KCNA2: variants seen among roughly 807,000 people sequenced by gnomAD.
The protein encoded by KCNA2 is potassium voltage-gated channel subfamily A member 2.
Under a neutral mutation model 33.4 loss-of-function variants are expected in KCNA2, and 11 were observed. That is an observed-to-expected ratio of 0.33 (90% CI 0.21 to 0.55). KCNA2 has a LOEUF of 0.55. Among genes scored for constraint, KCNA2 ranks in the 20% least tolerant of loss-of-function variants. The pLI, the probability that KCNA2 is intolerant of heterozygous loss-of-function variation, is 0.93. For synonymous variants in KCNA2, 222 were observed against 231.3 expected (o/e 0.96, Z 0.37); for missense variants, 291 against 621.6 (o/e 0.47, Z 5.66).
Position 110,594,757 on chromosome 1 carries a change from C to G in KCNA2, c.*8526G>C. The G allele has an allele frequency of 1.0e-6, 1 of 985,462 alleles. No homozygotes were observed. Among genetic ancestry groups the G allele is most frequent in the Non-Finnish European group, 1.2e-6 (1 of 829,980 alleles). 61.0% of individuals were successfully genotyped at this position (985,462 alleles called of 1,614,324 possible). A position where few individuals can be genotyped will look rare whatever the true frequency, so the allele number is the denominator to read the frequency against. On this transcript the variant is annotated 3_prime_UTR_variant, in exon 3 of 3. Transcript: ENST00000316361. ...GTTCAAACCCTCAGGAGCTGAGACTCACCCCCGCCAAAGCCAGCCAGGCCT... is the reference window on the plus strand; with the variant it reads ...GTTCAAACCCTCAGGAGCTGAGACTGACCCCCGCCAAAGCCAGCCAGGCCT...
chr1:110,624,731 G>A (rs1650348952), intron 1 of KCNA2, among the ~76,000 whole-genome samples: 1 of 152,114 alleles, frequency 6.6e-6, no homozygotes, highest in Non-Finnish European at 1.5e-5. Context: ...GTTGCGAGTG[G>A]ATTTTTTTCT....
At position 110,602,277 on chromosome 1, in the gene KCNA2, G is replaced by GC. The variant is rs1320637193; in HGVS notation, c.*1005_*1006insG. ...ATGGAGGGATTTTTGCCTTCTGATGGGAAAAAAACCCCTAGTTCAAGACCA... is the reference window on the plus strand; with the variant it reads ...ATGGAGGGATTTTTGCCTTCTGATGGCGAAAAAAACCCCTAGTTCAAGACCA... On this transcript the variant is annotated 3_prime_UTR_variant, in exon 3 of 3. Transcript: ENST00000316361. The GC allele has an allele frequency of 6.7e-7, 1 of 1,496,240 alleles. No individual in the cohort carries two copies. The allele number at this position is 1,496,240 out of a possible 1,614,324, so 92.7% of individuals were successfully genotyped here. A position where few individuals can be genotyped will look rare whatever the true frequency, so the allele number is the denominator to read the frequency against.
intron 1 of KCNA2, among the ~76,000 whole-genome samples, chr1:110,619,314 G>A (rs1650171025): frequency 6.6e-6 from 1 of 152,124 alleles, no homozygotes; most frequent in South Asian, 2.1e-4. Flanking sequence ...CTAGGAAAAC[G>A]AATGAATGCA....
rs1553181014 is a variant in KCNA2, at chr1:110,601,828, GTA to G, written c.*1453_*1454del. 9 of 1,244,416 alleles carry G rather than the reference GTA, an allele frequency of 7.2e-6. No homozygotes were observed. In the South Asian group the frequency reaches 9.8e-5, roughly 14 times the overall value. The allele number at this position is 1,244,416 out of a possible 1,614,324, so 77.1% of individuals were successfully genotyped here. A position where few individuals can be genotyped will look rare whatever the true frequency, so the allele number is the denominator to read the frequency against. On this transcript the variant is annotated 3_prime_UTR_variant, in exon 3 of 3. Transcript: ENST00000316361. ...TGTGTGTGTGTGTGTGTGTGTGTGT[GTA>G]TACATATACACACATATGTATGTAT...
In KCNA2 at chr1:110,598,112, A is replaced by C; in HGVS notation, c.*5171T>G. The stretch of plus-strand genomic sequence containing the variant: ...TGATGATGTTAATGAGGTTAAGGTC[A>C]TGAGTTCAAACCCGGCAATGGATAC... On this transcript the variant is annotated 3_prime_UTR_variant, in exon 3 of 3. Coordinates refer to ENST00000316361, the MANE Select transcript of KCNA2 (RefSeq NM_004974.4). 1 of 974,050 alleles carries C rather than the reference A, an allele frequency of 1.0e-6. No individual in the cohort carries two copies. The highest frequency in any genetic ancestry group is 1.2e-6 in the Non-Finnish European group (1 of 819,592). 60.3% of individuals were successfully genotyped at this position (974,050 alleles called of 1,614,324 possible).
chr1:110,598,118 T>C lies in KCNA2; in HGVS notation c.*5165A>G, dbSNP rs1460120825. ...TGTTAATGAGGTTAAGGTCATGAGT[T>C]CAAACCCGGCAATGGATACCTTGCC... On this transcript the variant is annotated 3_prime_UTR_variant, in exon 3 of 3. Transcript: ENST00000316361. 2 of 962,194 alleles carry C rather than the reference T, an allele frequency of 2.1e-6. No homozygotes were observed. Among genetic ancestry groups the C allele is most frequent in the Non-Finnish European group, 2.5e-6 (2 of 808,900 alleles). 59.6% of individuals were successfully genotyped at this position (962,194 alleles called of 1,614,324 possible).
At chr1:110,615,966 G>A (rs746076304) in intron 1 of KCNA2, among the ~76,000 whole-genome samples, 8 of 152,196 alleles carry the variant, frequency 5.3e-5, no homozygotes, top group East Asian at 1.9e-4. Flanking sequence ...GTGCAGGGAC[G>A]TGCCTAAGGA....
At chr1:110,616,435 C>G (rs1650069147) in intron 1 of KCNA2, among the ~76,000 whole-genome samples, 1 of 152,240 alleles carries the variant, frequency 6.6e-6, no homozygotes, top group Non-Finnish European at 1.5e-5. Context: ...CTTCCCTTCT[C>G]TTCCAGCTGC....
chr1:110,602,320 C>T lies in KCNA2; in HGVS notation c.*963G>A. On this transcript the variant is annotated 3_prime_UTR_variant, in exon 3 of 3. Transcript: ENST00000316361. Reference sequence around the variant, plus strand: ...CAAGACCATTCCAAGCCTATTAATACTCTAAATATTAACACTGTGTAGGCT... The same window carrying T: ...CAAGACCATTCCAAGCCTATTAATATTCTAAATATTAACACTGTGTAGGCT... The T allele has an allele frequency of 6.9e-7, 1 of 1,444,228 alleles. No homozygotes were observed. The highest frequency in any genetic ancestry group is 9.0e-7 in the Non-Finnish European group (1 of 1,105,014). 89.5% of individuals were successfully genotyped at this position (1,444,228 alleles called of 1,614,324 possible). A position where few individuals can be genotyped will look rare whatever the true frequency, so the allele number is the denominator to read the frequency against.
rs1460607764 is a variant in KCNA2 at position 110,601,480 on chromosome 1, C to T, written c.*1803G>A. 14 of 985,714 alleles carry T rather than the reference C, an allele frequency of 1.4e-5. No individual in the cohort carries two copies. The highest frequency in any genetic ancestry group is 1.7e-5 in the African/African-American group (1 of 57,336). 61.1% of individuals were successfully genotyped at this position (985,714 alleles called of 1,614,324 possible). A position where few individuals can be genotyped will look rare whatever the true frequency, so the allele number is the denominator to read the frequency against. Reference sequence around the variant, plus strand: ...AAATGGAGATGATGAACAGGATGAACTGTAGAGAGGAGGCCCGGGGTGGGT... The same window carrying T: ...AAATGGAGATGATGAACAGGATGAATTGTAGAGAGGAGGCCCGGGGTGGGT... On this transcript the variant is annotated 3_prime_UTR_variant, in exon 3 of 3. Transcript: ENST00000316361.
Position 110,603,596 on chromosome 1 carries a change from A to G in KCNA2, c.1187T>C (p.Ile396Thr), listed in dbSNP as rs773181967. The G allele has an allele frequency of 6.2e-7, 1 of 1,614,080 alleles. No homozygotes were observed. Among genetic ancestry groups the G allele is most frequent in the Non-Finnish European group, 8.5e-7 (1 of 1,180,026 alleles). Residue 396 changes from isoleucine (I) to threonine (T), a missense_variant, in exon 3 of 3, where the codon ATT becomes ACT. Coordinates refer to ENST00000316361, the MANE Select transcript of KCNA2 (RefSeq NM_004974.4). The surrounding 1 kb of genome is among the most constrained non-coding windows in gnomAD (Gnocchi z 5.7). ...GGKIVGSLCA[I>T]AGVLTIALPV... ...TAAGGCAATAGTTAACACACCTGCA[A>G]TCGCACATAGGGAACCCACTATCTT...
chr1:110,599,979 G>A lies in KCNA2; in HGVS notation c.*3304C>T. The A allele has an allele frequency of 1.0e-6, 1 of 985,302 alleles. No homozygotes were observed. The highest frequency in any genetic ancestry group is 1.2e-6 in the Non-Finnish European group (1 of 829,900). 61.0% of individuals were successfully genotyped at this position (985,302 alleles called of 1,614,324 possible). A position where few individuals can be genotyped will look rare whatever the true frequency, so the allele number is the denominator to read the frequency against. On this transcript the variant is annotated 3_prime_UTR_variant, in exon 3 of 3. Coordinates refer to ENST00000316361, the MANE Select transcript of KCNA2 (RefSeq NM_004974.4). ...AATTCCTGGTCTTAGTCAGATATCT[G>A]CTTGATGTGGTGGCCCATCCTCCTG...
Position 110,602,587 on chromosome 1 carries a change from A to C in KCNA2, c.*696T>G. On this transcript the variant is annotated 3_prime_UTR_variant, in exon 3 of 3. Transcript: ENST00000316361. The stretch of plus-strand genomic sequence containing the variant: ...TCTGTTGGTTTGTTAGCTTCTCCCC[A>C]TAGGCCTAAGGGAACAAATGTGAAA... 2.0e-6 allele frequency: 2 copies of C among 1,022,594 alleles called. No homozygotes were observed. Among genetic ancestry groups the C allele is most frequent in the East Asian group, 9.2e-5 (1 of 10,838 alleles). 63.3% of individuals were successfully genotyped at this position (1,022,594 alleles called of 1,614,324 possible).
rs777659103 is a variant in KCNA2 at position 110,600,028 on chromosome 1, C to T, written c.*3255G>A. 4.5e-5 allele frequency: 44 copies of T among 984,896 alleles called. No individual in the cohort carries two copies. The highest frequency in any genetic ancestry group is 5.1e-5 in the Non-Finnish European group (42 of 829,890). 61.0% of individuals were successfully genotyped at this position (984,896 alleles called of 1,614,324 possible). A position where few individuals can be genotyped will look rare whatever the true frequency, so the allele number is the denominator to read the frequency against. ...TGCTTGAAACCTAGGAGTTACTTCT[C>T]AGGAGTGAAATCTGGTAGTGAGAGA... On this transcript the variant is annotated 3_prime_UTR_variant, in exon 3 of 3. Coordinates refer to ENST00000316361, the MANE Select transcript of KCNA2 (RefSeq NM_004974.4).
In KCNA2 at chr1:110,596,927, T is replaced by C. The variant is rs1474776653; in HGVS notation, c.*6356A>G. On this transcript the variant is annotated 3_prime_UTR_variant, in exon 3 of 3. Coordinates refer to ENST00000316361, the MANE Select transcript of KCNA2 (RefSeq NM_004974.4). ...CAGTCTGAACATTTAAGCTCACAGA[T>C]GTTAGGAAAGGGGACTCTTCTGAAG... 1 of 985,298 alleles carries C rather than the reference T, an allele frequency of 1.0e-6. No individual in the cohort carries two copies. Among genetic ancestry groups the C allele is most frequent in the Non-Finnish European group, 1.2e-6 (1 of 829,944 alleles). 61.0% of individuals were successfully genotyped at this position (985,298 alleles called of 1,614,324 possible).
At chr1:110,627,513 A>G (rs1398173285) in intron 1 of KCNA2, among the ~76,000 whole-genome samples, 2 of 152,024 alleles carry the variant, frequency 1.3e-5, no homozygotes, top group Non-Finnish European at 2.9e-5. Context: ...CTCTATCTCC[A>G]TTTGTCTTTA....
rs914457423 is a variant in KCNA2 at position 110,601,013 on chromosome 1, C to T, written c.*2270G>A. On this transcript the variant is annotated 3_prime_UTR_variant, in exon 3 of 3. Transcript: ENST00000316361. ...AAGCTACTCCGTCAAAAGGCAAAGACGCCCAGTCTGGTGAGTTAAAAGCCC... is the reference window on the plus strand; with the variant it reads ...AAGCTACTCCGTCAAAAGGCAAAGATGCCCAGTCTGGTGAGTTAAAAGCCC... The T allele has an allele frequency of 2.3e-5, 23 of 985,448 alleles. No individual in the cohort carries two copies. Among genetic ancestry groups the T allele is most frequent in the Middle Eastern group, 5.2e-4 (1 of 1,936 alleles). The allele number at this position is 985,448 out of a possible 1,614,324, so 61.0% of individuals were successfully genotyped here.
At chr1:110,610,317 G>T (rs1214692258), upstream of KCNA2, among the ~76,000 whole-genome samples, 1 of 152,184 alleles carries the variant, frequency 6.6e-6, no homozygotes, top group Non-Finnish European at 1.5e-5. Context: ...CTTCCCATTT[G>T]TGAATCTTCT....
At position 110,594,798 on chromosome 1, in the gene KCNA2, T is replaced by G; in HGVS notation, c.*8485A>C. ...AGCCAGGCCTCTCTTCTTGCTTTTC[T>G]ATCCCATTTCTTAGCCTGGAGCTGA... On this transcript the variant is annotated 3_prime_UTR_variant, in exon 3 of 3. Coordinates refer to ENST00000316361, the MANE Select transcript of KCNA2 (RefSeq NM_004974.4). The G allele has an allele frequency of 9.1e-6, 9 of 985,628 alleles. No homozygotes were observed. Among genetic ancestry groups the G allele is most frequent in the Non-Finnish European group, 9.6e-6 (8 of 830,072 alleles). 61.1% of individuals were successfully genotyped at this position (985,628 alleles called of 1,614,324 possible).
Sources: allele counts gnomAD v4.1 joint callset (sites outside exome capture counted in the v4.1 genomes callset), GRCh38; gene constraint gnomAD v4.1.1; non-coding constraint Gnocchi (gnomAD v3.1); transcripts MANE v1.5; gene names NCBI Gene and HGNC (gene_info 2026-07-23, HGNC 2026-07-21).